Variants in CAST observed in about 807,000 individuals in gnomAD.
CAST encodes MIR583 host.
Under a neutral mutation model 119.6 loss-of-function variants are expected in CAST, and 76 were observed. The ratio of observed to expected loss-of-function variants is 0.64; its 90% CI spans 0.53 to 0.77. The LOEUF is 0.77. Ranked by LOEUF, CAST falls within the 30% of genes least tolerant of loss-of-function variation. The pLI, the probability that CAST is intolerant of heterozygous loss-of-function variation, is 0.00. For synonymous variants in CAST, 319 were observed against 331.6 expected, an observed-to-expected ratio of 0.96 and a Z score of 0.41; for missense variants, 953 against 946.5, an observed-to-expected ratio of 1.01 and a Z score of -0.09.
the CAST span, among the ~76,000 whole-genome samples, chr5:96,105,592 A>G: frequency 6.6e-6 from 1 of 152,248 alleles, no homozygotes; most frequent in East Asian, 1.9e-4. Context: ...AGCCCACTTG[A>G]TCATGGTGGA....
chr5:96,535,715 A>G (rs1224700373), intron 1 of CAST, among the ~76,000 whole-genome samples: 1 of 151,734 alleles, frequency 6.6e-6, no homozygotes, highest in Non-Finnish European at 1.5e-5. Context: ...CTGGGACTAC[A>G]GGCGCCCGCC....
At position 96,571,204 on chromosome 5, in the gene CAST, C is replaced by T. The variant is rs532427243; in HGVS notation, c.60+41324C>T. On this transcript the variant is annotated intron_variant, in intron 1 of 11. Coordinates refer to the CAST transcript ENST00000505143. ...ATCTGGACCTTATTCCAGCTCCAAA[C>T]CCTGCAGGGCTCTTCACTTCCGTAG... Among the ~76,000 whole-genome samples the T allele has an allele frequency of 1.7e-3, 254 of 152,276 alleles. No homozygotes were observed. The Middle Eastern group carries it at 0.024, about 14-fold the overall frequency.
the CAST span, chr5:96,390,982 T>C: frequency 4.6e-5 from 7 of 152,788 alleles, no homozygotes; most frequent in Admixed American, 2.0e-4. Flanking sequence ...TAGCACTAGA[T>C]TGGGAATGGA....
chr5:96,371,660 T>C, the CAST span, among the ~76,000 whole-genome samples: 5 of 152,338 alleles, frequency 3.3e-5, no homozygotes, highest in East Asian at 9.6e-4. Flanking sequence ...GGGTTCTTGT[T>C]ACCTATCATA....
At chr5:96,600,393 A>T (rs1247629447) in intron 1 of CAST, among the ~76,000 whole-genome samples, 1 of 152,236 alleles carries the variant, frequency 6.6e-6, no homozygotes, top group Non-Finnish European at 1.5e-5. Context: ...CCTACCCAGT[A>T]AGGGCACATT....
At chr5:96,522,092 G>A (rs1745527129), upstream of CAST, among the ~76,000 whole-genome samples, 1 of 151,926 alleles carries the variant, frequency 6.6e-6, no homozygotes, top group Admixed American at 6.6e-5. Flanking sequence ...CTCCAGCCTG[G>A]GCGACAGAGC....
the CAST span, among the ~76,000 whole-genome samples, chr5:96,251,799 C>G: frequency 1.3e-5 from 2 of 152,038 alleles, no homozygotes; most frequent in African/African-American, 2.4e-5. Context: ...CCCAAAAATC[C>G]TAGAGAAGAA....
At chr5:96,413,746 G>A in the CAST span, among the ~76,000 whole-genome samples, 1 of 148,076 alleles carries the variant, frequency 6.8e-6, no homozygotes, top group Non-Finnish European at 1.5e-5. Flanking sequence ...GTTGCAGTGA[G>A]CTAAGATTGC....
the CAST span, among the ~76,000 whole-genome samples, chr5:96,047,275 C>T: frequency 6.6e-6 from 1 of 151,992 alleles, no homozygotes; most frequent in African/African-American, 2.4e-5. Context: ...GGCAGGGGTA[C>T]GTCTATATAC....
the CAST span, among the ~76,000 whole-genome samples, chr5:96,410,300 A>G: frequency 1.3e-5 from 2 of 151,942 alleles, no homozygotes; most frequent in East Asian, 1.9e-4. Context: ...TGAAACTGCT[A>G]TTTTCCTGCA....
the CAST span, among the ~76,000 whole-genome samples, chr5:96,273,250 G>T: frequency 6.6e-6 from 1 of 152,220 alleles, no homozygotes; most frequent in East Asian, 1.9e-4. Context: ...CTGCCAAGCT[G>T]TTCTGTGAAG....
chr5:96,721,198 G>A (rs1049558192), intron 3 of CAST, among the ~76,000 whole-genome samples: 6 of 152,068 alleles, frequency 3.9e-5, no homozygotes, highest in Admixed American at 2.0e-4. Flanking sequence ...GTATGTGTGC[G>A]TGTGTGTGTA....
the CAST span, among the ~76,000 whole-genome samples, chr5:95,962,584 T>C: frequency 6.6e-6 from 1 of 152,142 alleles, no homozygotes; most frequent in African/African-American, 2.4e-5. Flanking sequence ...TTGTGGAGCA[T>C]CTTAAGGACA....
At chr5:96,516,841 G>A in the CAST span, among the ~76,000 whole-genome samples, 2,380 of 152,286 alleles carry the variant, frequency 0.016, 68 homozygotes, top group African/African-American at 0.055. Flanking sequence ...TGCTACTGGG[G>A]AAAATGCCCA....
intron 1 of CAST, among the ~76,000 whole-genome samples, chr5:96,608,973 G>T (rs1198054576): frequency 6.6e-6 from 1 of 152,110 alleles, no homozygotes; most frequent in African/African-American, 2.4e-5. Flanking sequence ...CAACACCGGG[G>T]ATTACAATTC....
chr5:96,331,938 C>G, the CAST span, among the ~76,000 whole-genome samples: 3 of 152,202 alleles, frequency 2.0e-5, no homozygotes, highest in Non-Finnish European at 4.4e-5. Flanking sequence ...ATCACACAGT[C>G]AACATGTCAT....
the CAST span, among the ~76,000 whole-genome samples, chr5:96,146,071 C>T: frequency 6.6e-6 from 1 of 152,170 alleles, no homozygotes; most frequent in Non-Finnish European, 1.5e-5. Context: ...AAAGCAGTTA[C>T]AGGCCCAACT....
intron 1 of CAST, among the ~76,000 whole-genome samples, chr5:96,608,083 C>G (rs1747294345): frequency 6.6e-6 from 1 of 152,138 alleles, no homozygotes; most frequent in Admixed American, 6.5e-5. Flanking sequence ...AAATTGTGTA[C>G]CCTTCGACCA....
the CAST span, among the ~76,000 whole-genome samples, chr5:96,252,846 C>G: frequency 6.6e-6 from 1 of 152,046 alleles, no homozygotes; most frequent in Non-Finnish European, 1.5e-5. Context: ...AGAGAAATAG[C>G]AAGTGAGTTT....
Sources: allele counts gnomAD v4.1 joint callset (sites outside exome capture counted in the v4.1 genomes callset), GRCh38; gene constraint gnomAD v4.1.1; transcripts MANE v1.5; gene names NCBI Gene and HGNC (gene_info 2026-07-23, HGNC 2026-07-21).